Variants in NCOA3 observed in about 807,000 individuals in gnomAD.
NCOA3 encodes the protein CBP-interacting protein.
A neutral mutation model predicts 158.8 loss-of-function variants in NCOA3; 51 were observed. The observed-to-expected ratio is 0.32, with a 90% CI of 0.26 to 0.41. The LOEUF (loss-of-function observed/expected upper bound fraction) is 0.41, where lower values mean the gene tolerates loss of function less well. Ranked by LOEUF, NCOA3 falls within the 10% of genes least tolerant of loss-of-function variation. The probability of loss-of-function intolerance (pLI) is 1.00; values close to 1 mark genes in which losing one functional copy is unlikely to be tolerated. For missense variants in NCOA3, 1,510 were observed against 1,746.6 expected (o/e 0.86, Z 2.41); for synonymous variants, 537 against 592.4 (o/e 0.91, Z 1.36).
chr20:47,577,511 TCTTC>T, intron 1 of NCOA3, among the ~76,000 whole-genome samples: 1 of 152,348 alleles, frequency 6.6e-6, no homozygotes, highest in East Asian at 1.9e-4. Flanking sequence ...TCTTTTTAAT[TCTTC>T]CTTTTATCCA....
chr20:47,557,753 G>C (rs1303120883), intron 1 of NCOA3, among the ~76,000 whole-genome samples: 3 of 152,122 alleles, frequency 2.0e-5, no homozygotes, highest in African/African-American at 7.2e-5. Context: ...AGATGTTTAG[G>C]TTTTGGACTT....
rs527577677 is a variant in NCOA3, at chr20:47,571,883, A to G, written c.-98-11300A>G. 4.0e-5 allele frequency among the ~76,000 whole-genome samples: 6 copies of G among 151,710 alleles called. No homozygotes were observed. The East Asian group carries it at 9.8e-4, about 25-fold the overall frequency. ...GCTGGGACTACAGGCACATGCCACC[A>G]TGCTCGACTAATTTTTTTGTTCTTT... On this transcript the variant is annotated intron_variant, in intron 1 of 22. Coordinates refer to ENST00000371998, the MANE Select transcript of NCOA3 (RefSeq NM_181659.3).
intron 1 of NCOA3, among the ~76,000 whole-genome samples, chr20:47,503,673 A>G (rs1490671697): frequency 6.6e-6 from 1 of 152,246 alleles, no homozygotes; most frequent in Non-Finnish European, 1.5e-5. Flanking sequence ...TTCAGAACTT[A>G]CTGCTTATGT....
intron 2 of NCOA3, among the ~76,000 whole-genome samples, chr20:47,619,774 T>A (rs568597261): frequency 1.3e-5 from 2 of 152,306 alleles, no homozygotes; most frequent in Admixed American, 1.3e-4. Context: ...TTTTTGTACT[T>A]AAGGAATGGA....
intron 20 of NCOA3, among the ~76,000 whole-genome samples, chr20:47,651,942 A>C (rs563421514): frequency 3.7e-4 from 56 of 152,120 alleles, no homozygotes; most frequent in African/African-American, 1.3e-3. Flanking sequence ...CTGGGATTAC[A>C]GGCGTGAGTC....
intron 8 of NCOA3, among the ~76,000 whole-genome samples, chr20:47,633,112 C>T (rs1028471284): frequency 3.9e-5 from 6 of 152,156 alleles, no homozygotes; most frequent in African/African-American, 1.4e-4. Flanking sequence ...ATTATCAGCT[C>T]CATCCTGAGG....
chr20:47,620,535 G>C (rs1056443236), intron 2 of NCOA3, among the ~76,000 whole-genome samples: 8 of 152,042 alleles, frequency 5.3e-5, no homozygotes, highest in Admixed American at 4.6e-4. Context: ...TCTCCCCCCC[G>C]GGTCAGGATT....
chr20:47,622,453 G>C lies in NCOA3; in HGVS notation c.83+123G>C. The C allele has an allele frequency of 4.8e-6, 3 of 623,694 alleles. No individual in the cohort carries two copies. The South Asian group carries it at 7.6e-5, about 16-fold the overall frequency. The allele number at this position is 623,694 out of a possible 1,614,324, so 38.6% of individuals were successfully genotyped here. On this transcript the variant is annotated intron_variant, in intron 3 of 22. Coordinates refer to ENST00000371998, the MANE Select transcript of NCOA3 (RefSeq NM_181659.3). Reference sequence around the variant, plus strand: ...TTTTGGTGGTTTCACTTCGTGGTAAGTAGAGTGTTACTGATGAGATGGACA... The same window carrying C: ...TTTTGGTGGTTTCACTTCGTGGTAACTAGAGTGTTACTGATGAGATGGACA...
At chr20:47,509,748 TA>T (rs1405280153) in intron 1 of NCOA3, among the ~76,000 whole-genome samples, 1 of 152,120 alleles carries the variant, frequency 6.6e-6, no homozygotes, top group Non-Finnish European at 1.5e-5. Flanking sequence ...CCATCTCTAT[TA>T]AAAAAATTTG....
At chr20:47,593,334 ATTTTTTTTTTTTTTTT>A (rs71183267) in intron 2 of NCOA3, among the ~76,000 whole-genome samples, 12 of 63,722 alleles carry the variant, frequency 1.9e-4, no homozygotes, top group African/African-American at 8.0e-4. Flanking sequence ...GAGTTGATGG[ATTTTTTTTTTTTTTTT>A]TTTTTTTTTT....
At chr20:47,506,177 T>C (rs4810645) in intron 1 of NCOA3, among the ~76,000 whole-genome samples, 33,574 of 151,940 alleles carry the variant, frequency 0.22, 5,044 homozygotes, top group East Asian at 0.54. Flanking sequence ...AGAATTAAGG[T>C]GGAGGAGGGG....
In NCOA3 at chr20:47,625,553, G is replaced by A. The variant is rs1486470750; in HGVS notation, c.357+72G>A. Reference sequence around the variant, plus strand: ...GTTTATTATAAAGTTATAAAAAATCGATGAAATTTTGGTTAGGAAATGAGA... The same window carrying A: ...GTTTATTATAAAGTTATAAAAAATCAATGAAATTTTGGTTAGGAAATGAGA... On this transcript the variant is annotated intron_variant, in intron 5 of 22. Transcript: ENST00000371998. 60 of 1,125,140 alleles carry A rather than the reference G, an allele frequency of 5.3e-5. No homozygotes were observed. In the South Asian group the frequency reaches 7.2e-4, roughly 13 times the overall value. The allele number at this position is 1,125,140 out of a possible 1,614,324, so 69.7% of individuals were successfully genotyped here.
intron 1 of NCOA3, among the ~76,000 whole-genome samples, chr20:47,520,706 G>A (rs2084317679): frequency 6.6e-6 from 1 of 151,988 alleles, no homozygotes; most frequent in Non-Finnish European, 1.5e-5. Context: ...CCTCAAACTA[G>A]GGAGTGTCTT....
intron 1 of NCOA3, among the ~76,000 whole-genome samples, chr20:47,563,744 C>T (rs1041624642): frequency 6.6e-6 from 1 of 151,774 alleles, no homozygotes; most frequent in African/African-American, 2.4e-5. Flanking sequence ...AAAAAATTAG[C>T]TGGGCGTGGT....
intron 12 of NCOA3, 92 bp downstream of exon 12, chr20:47,636,854 T>A: frequency 8.7e-7 from 1 of 1,153,424 alleles, no homozygotes; most frequent in Non-Finnish European, 1.2e-6. Context: ...TAGGTTTATT[T>A]AAAGAAAGTT....
chr20:47,606,596 G>A (rs374412118), intron 2 of NCOA3, among the ~76,000 whole-genome samples: 1 of 152,068 alleles, frequency 6.6e-6, no homozygotes, highest in Non-Finnish European at 1.5e-5. Context: ...AAGTACTGTC[G>A]TTTTAATGTT....
intron 1 of NCOA3, among the ~76,000 whole-genome samples, chr20:47,543,512 T>TTC (rs1228661316): frequency 1.4e-5 from 2 of 139,998 alleles, no homozygotes; most frequent in Non-Finnish European, 3.0e-5. Flanking sequence ...CTTCTTCTTC[T>TTC]TTTTTTTTTT....
chr20:47,519,648 C>A (rs997583104), intron 1 of NCOA3, among the ~76,000 whole-genome samples: 14 of 152,062 alleles, frequency 9.2e-5, no homozygotes, highest in Admixed American at 4.6e-4. Context: ...AAATTTGGAG[C>A]CAGGCATGGT....
chr20:47,535,960 T>C (rs1439273499), intron 1 of NCOA3, among the ~76,000 whole-genome samples: 2 of 152,004 alleles, frequency 1.3e-5, no homozygotes, highest in African/African-American at 4.8e-5. Context: ...CTGCATCAAC[T>C]TAAATGTAGA....
Sources: gnomAD v4.1 joint callset for allele counts (sites outside exome capture counted in the v4.1 genomes callset) on GRCh38, gnomAD v4.1.1 for gene constraint, MANE v1.5 for transcripts, NCBI Gene and HGNC (gene_info 2026-07-23, HGNC 2026-07-21) for gene names.